The following RCC1 variants were observed in gnomAD, a reference collection of about 807,000 sequenced individuals.
RCC1 encodes the protein regulator of chromosome condensation 1, also known as regulator of chromosome condensation.
Under a neutral mutation model 44.4 loss-of-function variants are expected in RCC1, and 11 were observed. The ratio of observed to expected loss-of-function variants is 0.25; its 90% CI spans 0.16 to 0.41. RCC1 has a LOEUF of 0.41. Among genes scored for constraint, RCC1 ranks in the 10% least tolerant of loss-of-function variants. The pLI, the probability that RCC1 is intolerant of heterozygous loss-of-function variation, is 1.00. For missense variants in RCC1, 386 were observed against 547.1 expected (o/e 0.71, Z 2.94); for synonymous variants, 213 against 216.5 (o/e 0.98, Z 0.14).
intron 3 of RCC1, among the ~76,000 whole-genome samples, chr1:28,516,009 C>G (rs1483470423): frequency 1.3e-5 from 2 of 151,562 alleles, no homozygotes; most frequent in African/African-American, 4.9e-5. Context: ...ATGGTAAAAC[C>G]CCGTCTCTAC....
At chr1:28,535,003 C>A in intron 7 of RCC1, 47 bp from the exon 8 acceptor site, 1 of 1,500,218 alleles carries the variant, frequency 6.7e-7, no homozygotes, top group Non-Finnish European at 9.3e-7. Flanking sequence ...TTCACTGGCA[C>A]GGGGCAGGCA....
chr1:28,524,919 C>T (rs1663545986), intron 4 of RCC1, among the ~76,000 whole-genome samples: 1 of 152,090 alleles, frequency 6.6e-6, no homozygotes, highest in Non-Finnish European at 1.5e-5. Context: ...CACCCAAAGC[C>T]AAGCAGTAGT....
At chr1:28,526,541 G>C in intron 4 of RCC1, 1 of 574,392 alleles carries the variant, frequency 1.7e-6, no homozygotes. Flanking sequence ...AGTTCACATC[G>C]TGAAATTCCT....
chr1:28,528,462 C>T (rs1465443763), intron 4 of RCC1, among the ~76,000 whole-genome samples: 1 of 151,906 alleles, frequency 6.6e-6, no homozygotes, highest in Non-Finnish European at 1.5e-5. Context: ...TTCAAAAAAA[C>T]AAAAACAAAA....
chr1:28,538,002 A>G lies in RCC1; in HGVS notation c.1261A>G (p.Ser421Gly), dbSNP rs753353354. ...CTTATTAGTCAAGGACAAAGAACAG[A>G]GCTGATGAAGCCTCTGAGGGCCTGG... ...TVLLVKDKEQ[S>G] Residue 421 changes from serine to glycine, a missense_variant, in exon 13 of 13, where the codon AGC (serine) becomes GGC (glycine). By Grantham distance (56) the Ser-to-Gly change is moderately conservative. Transcript: ENST00000683442. The G allele has an allele frequency of 1.9e-6, 3 of 1,612,934 alleles. No homozygotes were observed. The highest frequency in any genetic ancestry group is 3.3e-5 in the Admixed American group (2 of 59,782).
chr1:28,532,738 C>T (rs781026426), intron 7 of RCC1: 20 of 469,648 alleles, frequency 4.3e-5, no homozygotes, highest in African/African-American at 3.6e-4. Flanking sequence ...CAGGGATTGT[C>T]GCATCTCAGA....
chr1:28,526,064 C>T (rs1410713409), intron 4 of RCC1, among the ~76,000 whole-genome samples: 2 of 152,076 alleles, frequency 1.3e-5, no homozygotes, highest in East Asian at 1.9e-4. Flanking sequence ...GCGGGTAGAT[C>T]GCTTGAGCCC....
Position 28,533,845 on chromosome 1 carries a change from C to CTTTTTTTTTTTTTTT in RCC1, c.442-1169_442-1155dup, listed in dbSNP as rs1168443435. 8.7e-4 allele frequency among the ~76,000 whole-genome samples: 41 copies of CTTTTTTTTTTTTTTT among 46,878 alleles called. 9 individuals carry two copies. Among genetic ancestry groups the CTTTTTTTTTTTTTTT allele is most frequent in the Non-Finnish European group, 1.2e-3 (33 of 26,884 alleles). The allele number at this position is 46,878 out of a possible 152,430, so 30.8% of individuals were successfully genotyped here. A position where few individuals can be genotyped will look rare whatever the true frequency, so the allele number is the denominator to read the frequency against. On this transcript the variant is annotated intron_variant, in intron 7 of 12. Transcript: ENST00000683442. Reference sequence around the variant, plus strand: ...ATATTTTTTTCTTTTCTTTTCTTTTCTTTTTTTTTTTTTTTTTTTTTTTTT... The same window carrying CTTTTTTTTTTTTTTT: ...ATATTTTTTTCTTTTCTTTTCTTTTCTTTTTTTTTTTTTTTTTTTTTTTTTTTTTTTTTTTTTTTT...
In RCC1 at chr1:28,531,769, T is replaced by G. The variant is rs1245453279; in HGVS notation, c.74-34T>G. On this transcript the variant is annotated intron_variant, in intron 5 of 12. Transcript: ENST00000683442. Reference sequence around the variant, plus strand: ...TGACCTCTCCTCGCTGTCGTCATCCTCTACACTCAGGGTCTATCTTCTTCA... The same window carrying G: ...TGACCTCTCCTCGCTGTCGTCATCCGCTACACTCAGGGTCTATCTTCTTCA... 5 of 1,492,294 alleles carry G rather than the reference T, an allele frequency of 3.4e-6. No individual in the cohort carries two copies. The South Asian group carries it at 7.2e-5, about 21-fold the overall frequency. The allele number at this position is 1,492,294 out of a possible 1,614,324, so 92.4% of individuals were successfully genotyped here.
At position 28,533,758 on chromosome 1, in the gene RCC1, G is replaced by A. The variant is rs542048147; in HGVS notation, c.442-1292G>A. On this transcript the variant is annotated intron_variant, in intron 7 of 12. Coordinates refer to ENST00000683442, the MANE Select transcript of RCC1 (RefSeq NM_001381865.2). ...GCACTCCAGCCTGGGCAACAAGAGC[G>A]AAACTCTGTCTCAAAAAAAAAAAAA... Among the ~76,000 whole-genome samples the A allele has an allele frequency of 5.8e-3, 336 of 57,812 alleles. 1 individual carries two copies. Among genetic ancestry groups the A allele is most frequent in the Middle Eastern group, 0.019 (1 of 52 alleles). 37.9% of individuals were successfully genotyped at this position (57,812 alleles called of 152,430 possible). A position where few individuals can be genotyped will look rare whatever the true frequency, so the allele number is the denominator to read the frequency against.
intron 3 of RCC1, chr1:28,509,764 C>T (rs1449851933): frequency 6.6e-6 from 1 of 152,068 alleles, no homozygotes; most frequent in Non-Finnish European, 1.5e-5. Flanking sequence ...GGTGGGTCCC[C>T]CTTGGGTTCA....
At chr1:28,535,570 T>C in intron 9 of RCC1, 190 bp downstream of exon 9, 1 of 914,678 alleles carries the variant, frequency 1.1e-6, no homozygotes, top group Non-Finnish European at 1.7e-6. Context: ...CATAGTTTCT[T>C]CATCACTAAG....
chr1:28,518,435 C>A (rs1474099249), intron 4 of RCC1: 8 of 151,352 alleles, frequency 5.3e-5, no homozygotes, highest in South Asian at 2.1e-4. Flanking sequence ...TCGCGCGGCG[C>A]CGGCCCCACG....
intron 5 of RCC1, chr1:28,530,693 T>G: frequency 2.4e-6 from 3 of 1,225,558 alleles, no homozygotes; most frequent in Non-Finnish European, 2.2e-6. Context: ...GGGGAGGGGC[T>G]GGGCGCCATT....
Position 28,536,962 on chromosome 1 carries a change from C to T in RCC1, c.1090+63C>T. The T allele has an allele frequency of 1.9e-6, 3 of 1,572,580 alleles. No homozygotes were observed. Among genetic ancestry groups the T allele is most frequent in the Non-Finnish European group, 2.6e-6 (3 of 1,147,246 alleles). The stretch of plus-strand genomic sequence containing the variant: ...TGGGGGTCATGGTTCTTACCCAATT[C>T]CCCAATAGGCTGTGATGTCCACTCT... On this transcript the variant is annotated intron_variant, in intron 12 of 12. Coordinates refer to ENST00000683442, the MANE Select transcript of RCC1 (RefSeq NM_001381865.2). The surrounding 1 kb of genome is among the most constrained non-coding windows in gnomAD (Gnocchi z 4.9).
At chr1:28,530,297 G>A (rs867331363) in intron 5 of RCC1, among the ~76,000 whole-genome samples, 1 of 152,226 alleles carries the variant, frequency 6.6e-6, no homozygotes, top group East Asian at 1.9e-4. Flanking sequence ...ACTTAATCCC[G>A]CAGTTTGGAT....
Position 28,535,922 on chromosome 1 carries a change from G to T in RCC1, c.713G>T (p.Gly238Val), listed in dbSNP as rs753314253. ...CVMLKSRGSR[G>V]HVRFQDAFCG... Reference sequence around the variant, plus strand: ...ATGCTGAAATCCAGGGGAAGCCGGGGCCACGTGAGATTCCAGGATGCCTTT... The same window carrying T: ...ATGCTGAAATCCAGGGGAAGCCGGGTCCACGTGAGATTCCAGGATGCCTTT... Residue 238 changes from glycine (G) to valine (V), a missense_variant, in exon 10 of 13, where the codon GGC becomes GTC. Physicochemically the swap from Gly to Val is moderately radical, Grantham distance 109 (BLOSUM62 -3). Coordinates refer to ENST00000683442, the MANE Select transcript of RCC1 (RefSeq NM_001381865.2). The T allele has an allele frequency of 6.2e-7, 1 of 1,614,126 alleles. No homozygotes were observed. Among genetic ancestry groups the T allele is most frequent in the South Asian group, 1.1e-5 (1 of 91,080 alleles).
intron 7 of RCC1, chr1:28,532,799 G>T (rs1022138395): frequency 2.4e-6 from 1 of 414,190 alleles, no homozygotes; most frequent in Non-Finnish European, 4.8e-6. Context: ...GTGGGTTTTT[G>T]TTGTTGTTGT....
intron 2 of RCC1, 79 bp from the exon 3 acceptor site, chr1:28,508,751 C>G: frequency 1.9e-6 from 1 of 514,306 alleles, no homozygotes; most frequent in Non-Finnish European, 3.8e-6. Flanking sequence ...ACAAACCATG[C>G]AGGAAACATA....
Sources: gnomAD v4.1 joint callset for allele counts (sites outside exome capture counted in the v4.1 genomes callset) on GRCh38, gnomAD v4.1.1 for gene constraint, Gnocchi (gnomAD v3.1) non-coding constraint, MANE v1.5 for transcripts, NCBI Gene and HGNC (gene_info 2026-07-23, HGNC 2026-07-21) for gene names.